Variants in EFHD1 observed in about 807,000 individuals in gnomAD.
EFHD1 encodes EF-hand domain-containing protein D1.
In EFHD1, 10 loss-of-function variants were observed where a neutral mutation model predicts 17.2. That is an observed-to-expected ratio of 0.58 (90% confidence interval 0.36 to 0.99). The LOEUF is 0.99. EFHD1 is among the 50% of genes least tolerant of loss of function. EFHD1 has a pLI of 0.01. For missense variants in EFHD1, 310 were observed against 327.5 expected, an observed-to-expected ratio of 0.95 and a Z score of 0.41; for synonymous variants, 153 against 142.0, an observed-to-expected ratio of 1.08 and a Z score of -0.55.
chr2:232,634,391 C>G (rs530573551), intron 1 of EFHD1, among the ~76,000 whole-genome samples: 2 of 152,244 alleles, frequency 1.3e-5, no homozygotes, highest in Non-Finnish European at 2.9e-5. Context: ...CTGTATCCCC[C>G]CAAGGGAAAA....
chr2:232,614,044 A>G (rs925836160), intron 1 of EFHD1, among the ~76,000 whole-genome samples: 9 of 50,096 alleles, frequency 1.8e-4, no homozygotes, highest in East Asian at 7.4e-4. Flanking sequence ...ACATACACAA[A>G]CACACACATA....
intron 1 of EFHD1, among the ~76,000 whole-genome samples, chr2:232,662,338 G>A (rs1011853161): frequency 6.6e-6 from 1 of 152,080 alleles, no homozygotes; most frequent in Non-Finnish European, 1.5e-5. Context: ...ACGGAAAGGC[G>A]GGCTGTTGGG....
intron 1 of EFHD1, among the ~76,000 whole-genome samples, chr2:232,607,433 A>T (rs926858706): frequency 1.1e-5 from 1 of 89,386 alleles, no homozygotes; most frequent in Non-Finnish European, 2.3e-5. Flanking sequence ...CCTAAAAATT[A>T]AAAAAAAAAA....
At chr2:232,645,860 T>C (rs559428444) in intron 1 of EFHD1, among the ~76,000 whole-genome samples, 30 of 152,322 alleles carry the variant, frequency 2.0e-4, no homozygotes, top group Admixed American at 5.2e-4. Context: ...AGAGCTGGGA[T>C]TTGAACCCAA....
chr2:232,681,099 T>C (rs867585618), intron 3 of EFHD1, among the ~76,000 whole-genome samples: 1 of 152,002 alleles, frequency 6.6e-6, no homozygotes. Flanking sequence ...GAGATTGCAG[T>C]GAGCCAAGAT....
chr2:232,664,214 C>T (rs1464685871), intron 2 of EFHD1, among the ~76,000 whole-genome samples: 1 of 152,106 alleles, frequency 6.6e-6, no homozygotes, highest in Non-Finnish European at 1.5e-5. Context: ...TCACAGCTCA[C>T]TGCAGCCTCA....
chr2:232,613,667 CACACAAATATACACACAT>C (rs1156230231), intron 1 of EFHD1, among the ~76,000 whole-genome samples: 7 of 149,552 alleles, frequency 4.7e-5, no homozygotes, highest in Non-Finnish European at 8.8e-5. Context: ...CAAATACACA[CACACAAATATACACACAT>C]ACACAAATAT....
intron 2 of EFHD1, among the ~76,000 whole-genome samples, chr2:232,668,887 G>C (rs1021336581): frequency 1.3e-5 from 2 of 152,102 alleles, no homozygotes; most frequent in African/African-American, 4.8e-5. Context: ...GCTCGACTCA[G>C]CCTCCCAAAA....
chr2:232,662,844 G>A lies in EFHD1; in HGVS notation c.345G>A (p.Leu115=). 6.3e-7 allele frequency: 1 copy of A among 1,588,980 alleles called. No homozygotes were observed. The highest frequency in any genetic ancestry group is 8.6e-7 in the Non-Finnish European group (1 of 1,169,352). Residue 115 remains leucine, a synonymous_variant, in exon 2 of 4, where the codon CTG becomes CTA. Transcript: ENST00000264059. ...ATGGCTTCATCGACCTGATGGAGCT[G>A]AAGCTGATGATGGAGAAGCTGGGGG... ...GRDGFIDLME[L]KLMMEKLGAP... is the part of the protein sequence containing the mutation.
Position 232,681,818 on chromosome 2 carries a change from GC to G in EFHD1, c.*101del. 2.0e-6 allele frequency: 3 copies of G among 1,478,108 alleles called. No individual in the cohort carries two copies. Among genetic ancestry groups the G allele is most frequent in the Non-Finnish European group, 2.7e-6 (3 of 1,109,266 alleles). 91.6% of individuals were successfully genotyped at this position (1,478,108 alleles called of 1,614,324 possible). The stretch of plus-strand genomic sequence containing the variant: ...TCACTGCTGTCGGTCCCCTCCCTGA[GC>G]CAGCATCTCCATCCACCACCCCGTG... On this transcript the variant is annotated 3_prime_UTR_variant, in exon 4 of 4. Transcript: ENST00000264059.
At chr2:232,646,617 G>A (rs1425613300) in intron 1 of EFHD1, among the ~76,000 whole-genome samples, 2 of 151,758 alleles carry the variant, frequency 1.3e-5, no homozygotes, top group Admixed American at 6.6e-5. Flanking sequence ...GCTAATTTTT[G>A]TATTTTTAGT....
Position 232,633,735 on chromosome 2 carries a change from G to A in EFHD1, c.31G>A (p.Glu11Lys), listed in dbSNP as rs1007558247. 17 of 1,468,968 alleles carry A rather than the reference G, an allele frequency of 1.2e-5. No homozygotes were observed. The South Asian group carries it at 1.9e-4, about 17-fold the overall frequency. 91.0% of individuals were successfully genotyped at this position (1,468,968 alleles called of 1,614,324 possible). A position where few individuals can be genotyped will look rare whatever the true frequency, so the allele number is the denominator to read the frequency against. Residue 11 changes from glutamate to lysine, a missense_variant, in exon 1 of 4, where the codon GAG (glutamate) becomes AAG (lysine). By Grantham distance (56) the Glu-to-Lys change is moderately conservative. Transcript: ENST00000264059. MASEELACKL[E>K]RRLRREEAEE... The stretch of plus-strand genomic sequence containing the variant: ...CAGTGAGGAGCTGGCGTGCAAGCTG[G>A]AGCGCCGGCTGCGGCGCGAGGAGGC...
intron 2 of EFHD1, among the ~76,000 whole-genome samples, chr2:232,664,996 T>A (rs1348096301): frequency 2.6e-5 from 4 of 151,926 alleles, no homozygotes; most frequent in Admixed American, 1.3e-4. Context: ...ACTGCAACCC[T>A]TATCTCCCAG....
intron 1 of EFHD1, among the ~76,000 whole-genome samples, chr2:232,627,062 A>T (rs1006086337): frequency 0.071 from 7,744 of 108,782 alleles, 350 homozygotes; most frequent in Non-Finnish European, 0.1. Context: ...ATATATATAT[A>T]TATTTTTTTT....
intron 1 of EFHD1, among the ~76,000 whole-genome samples, chr2:232,654,254 T>G (rs1258881721): frequency 6.6e-6 from 1 of 151,598 alleles, no homozygotes; most frequent in African/African-American, 2.4e-5. Flanking sequence ...CCTTCAATAT[T>G]TCCTAAGCTT....
chr2:232,631,869 G>C (rs760909931), upstream of EFHD1, among the ~76,000 whole-genome samples: 3 of 151,804 alleles, frequency 2.0e-5, no homozygotes, highest in Admixed American at 6.6e-5. Flanking sequence ...CAGGTGCAGT[G>C]GTGGGCGCCT....
chr2:232,632,003 CAAAA>C (rs538543210), upstream of EFHD1, among the ~76,000 whole-genome samples: 3 of 136,784 alleles, frequency 2.2e-5, no homozygotes, highest in African/African-American at 5.5e-5. Flanking sequence ...AACTCCATCT[CAAAA>C]AAAAAAAAAG....
chr2:232,659,908 A>C (rs1409277682), intron 1 of EFHD1, among the ~76,000 whole-genome samples: 2 of 152,176 alleles, frequency 1.3e-5, no homozygotes, highest in East Asian at 3.9e-4. Flanking sequence ...CAGGAGCAAG[A>C]CAGAGCAAGC....
intron 2 of EFHD1, among the ~76,000 whole-genome samples, chr2:232,668,782 T>A (rs1280752115): frequency 6.6e-6 from 1 of 152,074 alleles, no homozygotes; most frequent in Non-Finnish European, 1.5e-5. Flanking sequence ...TACAGTTGTG[T>A]ACCACCATGC....
Sources: allele counts gnomAD v4.1 joint callset (sites outside exome capture counted in the v4.1 genomes callset), GRCh38; gene constraint gnomAD v4.1.1; transcripts MANE v1.5; gene names NCBI Gene and HGNC (gene_info 2026-07-23, HGNC 2026-07-21).